CHST15: variants seen among roughly 807,000 people sequenced by gnomAD.
CHST15 encodes the protein carbohydrate sulfotransferase 15.
A neutral mutation model predicts 53.6 loss-of-function variants in CHST15; 30 were observed. The ratio of observed to expected loss-of-function variants is 0.56; its 90% CI spans 0.42 to 0.76. The LOEUF (loss-of-function observed/expected upper bound fraction) is 0.76. CHST15 is among the 30% of genes least tolerant of loss of function. The pLI, the probability that CHST15 is intolerant of heterozygous loss-of-function variation, is 0.00. For missense variants in CHST15, 627 were observed against 740.5 expected, an observed-to-expected ratio of 0.85 and a Z score of 1.78; for synonymous variants, 296 against 289.8, an observed-to-expected ratio of 1.02 and a Z score of -0.22.
rs151126731 is a variant in CHST15, at chr10:124,012,222, C to T, written c.1495+111G>A. On this transcript the variant is annotated intron_variant, in intron 7 of 7. Transcript: ENST00000435907. ...TGAAGGACATCCCCAGGCCTCCCAGCTCAGCCCATTCCCACCCAGCTGACC... is the reference window on the plus strand; with the variant it reads ...TGAAGGACATCCCCAGGCCTCCCAGTTCAGCCCATTCCCACCCAGCTGACC... 9.0e-4 allele frequency: 1,149 copies of T among 1,281,918 alleles called. 6 individuals carry two copies. The African/African-American group carries it at 0.015, about 17-fold the overall frequency. 79.4% of individuals were successfully genotyped at this position (1,281,918 alleles called of 1,614,324 possible). A position where few individuals can be genotyped will look rare whatever the true frequency, so the allele number is the denominator to read the frequency against.
At chr10:124,083,881 G>A (rs996768564) in intron 1 of CHST15, among the ~76,000 whole-genome samples, 1 of 152,154 alleles carries the variant, frequency 6.6e-6, no homozygotes, top group Non-Finnish European at 1.5e-5. Context: ...AGAGGATCAC[G>A]CCACCATGGG....
chr10:124,064,263 T>C (rs1948683585), intron 1 of CHST15, among the ~76,000 whole-genome samples: 1 of 152,116 alleles, frequency 6.6e-6, no homozygotes, highest in African/African-American at 2.4e-5. Flanking sequence ...CCTGCTCTGG[T>C]TTCTGTTTCG....
intron 6 of CHST15, chr10:124,020,746 C>G: frequency 9.7e-7 from 1 of 1,030,978 alleles, no homozygotes; most frequent in South Asian, 4.4e-5. Flanking sequence ...TTTTTGCATT[C>G]AAAAAGGCTA....
At chr10:124,027,062 T>C (rs1018273531) in intron 5 of CHST15, among the ~76,000 whole-genome samples, 2 of 152,122 alleles carry the variant, frequency 1.3e-5, no homozygotes. Context: ...TCTCAAACCA[T>C]CCCGAACAGA....
chr10:124,064,922 C>A (rs938650017), intron 1 of CHST15, among the ~76,000 whole-genome samples: 1 of 152,130 alleles, frequency 6.6e-6, no homozygotes, highest in Admixed American at 6.5e-5. Flanking sequence ...CCGCCTTAAC[C>A]AGCTGACAGT....
In CHST15 at chr10:124,046,005, C is replaced by T; in HGVS notation, c.208G>A (p.Gly70Arg). 1.2e-6 allele frequency: 2 copies of T among 1,614,114 alleles called. No individual in the cohort carries two copies. The highest frequency in any genetic ancestry group is 1.7e-6 in the Non-Finnish European group (2 of 1,180,022). Residue 70 changes from glycine to arginine, a missense_variant, in exon 2 of 8, where the codon GGG becomes AGG. Physicochemically the swap from Gly to Arg is moderately radical, Grantham distance 125 (BLOSUM62 -2). Around this residue, in one of 3 missense-constraint regions of CHST15, gnomAD observed 187 missense variants for 251.8 expected, o/e 0.74. Transcript: ENST00000435907. ...TTCCCCTTTTTGAAGCGCAAAAACC[C>T]ACCCCAGTTTTCGTTCCCTTCAGTC... ...VRTEGNENWG[G>R]FLRFKKGKRC...
chr10:124,051,190 C>T (rs61863975), intron 1 of CHST15, among the ~76,000 whole-genome samples: 40,088 of 152,024 alleles, frequency 0.26, 5,623 homozygotes, highest in Middle Eastern at 0.39. Flanking sequence ...TGATCCAGCC[C>T]GCCTTGGCCT....
At chr10:124,077,531 T>A (rs552981542) in intron 1 of CHST15, among the ~76,000 whole-genome samples, 36 of 152,256 alleles carry the variant, frequency 2.4e-4, no homozygotes, top group African/African-American at 7.7e-4. Context: ...AATGGGAAAA[T>A]CTTTACCTTA....
At chr10:124,082,602 A>G (rs1389060334) in intron 1 of CHST15, among the ~76,000 whole-genome samples, 1 of 152,232 alleles carries the variant, frequency 6.6e-6, no homozygotes, top group Non-Finnish European at 1.5e-5. Flanking sequence ...TCCACACCCA[A>G]AGAAGCTTGT....
At chr10:124,018,097 G>A (rs1946648870) in intron 6 of CHST15, among the ~76,000 whole-genome samples, 2 of 152,230 alleles carry the variant, frequency 1.3e-5, no homozygotes, top group South Asian at 4.1e-4. Context: ...CCTGAAAGGA[G>A]GCCCCTATCA....
intron 6 of CHST15, among the ~76,000 whole-genome samples, chr10:124,015,757 T>A (rs1946565948): frequency 6.6e-6 from 1 of 152,212 alleles, no homozygotes; most frequent in Non-Finnish European, 1.5e-5. Context: ...GAGGCTGCAA[T>A]CTCATGGAGA....
Position 124,009,362 on chromosome 10 carries a change from GT to G in CHST15, c.*786del. The G allele has an allele frequency of 2.0e-6, 2 of 1,018,126 alleles. No individual in the cohort carries two copies. Among genetic ancestry groups the G allele is most frequent in the Non-Finnish European group, 2.4e-6 (2 of 848,098 alleles). 63.1% of individuals were successfully genotyped at this position (1,018,126 alleles called of 1,614,324 possible). The stretch of plus-strand genomic sequence containing the variant: ...CAGGACTGGTTAAATGCAGAAAGTG[GT>G]TTTGTTTTAAACGCATTCATTTTCT... On this transcript the variant is annotated 3_prime_UTR_variant, in exon 8 of 8. Transcript: ENST00000435907.
intron 1 of CHST15, among the ~76,000 whole-genome samples, chr10:124,079,458 G>C (rs1042467211): frequency 3.9e-5 from 6 of 152,262 alleles, no homozygotes; most frequent in Non-Finnish European, 8.8e-5. Context: ...CGGACTCCAT[G>C]TGGTATGGAG....
chr10:124,037,820 A>G (rs909397126), intron 5 of CHST15, among the ~76,000 whole-genome samples: 1 of 152,192 alleles, frequency 6.6e-6, no homozygotes, highest in African/African-American at 2.4e-5. Flanking sequence ...GACAAGGATA[A>G]AGGCATCAAC....
chr10:124,026,438 C>T (rs1947013412), intron 5 of CHST15, among the ~76,000 whole-genome samples: 5 of 152,186 alleles, frequency 3.3e-5, no homozygotes, highest in Admixed American at 3.3e-4. Context: ...GAACAGCAAA[C>T]ATATCAAGAA....
rs1183015677 is a variant in CHST15, at chr10:124,007,899, A to G, written c.*2250T>C. 8.1e-7 allele frequency: 1 copy of G among 1,231,886 alleles called. No individual in the cohort carries two copies. The highest frequency in any genetic ancestry group is 1.0e-6 in the Non-Finnish European group (1 of 987,948). The allele number at this position is 1,231,886 out of a possible 1,614,324, so 76.3% of individuals were successfully genotyped here. On this transcript the variant is annotated 3_prime_UTR_variant, in exon 8 of 8. Coordinates refer to ENST00000435907, the MANE Select transcript of CHST15 (RefSeq NM_001270764.2). ...TTTGGTTTTGAATGGCAGGCTCGAG[A>G]ACCACCGCCCAGAACGGAACCTATT...
chr10:124,049,222 G>C (rs1011721792), intron 1 of CHST15, among the ~76,000 whole-genome samples: 3 of 152,232 alleles, frequency 2.0e-5, no homozygotes, highest in Non-Finnish European at 4.4e-5. Flanking sequence ...TGAGGGATGT[G>C]ATGTGGAAAT....
chr10:124,023,127 A>G (rs115084938), intron 5 of CHST15, among the ~76,000 whole-genome samples: 2,024 of 152,084 alleles, frequency 0.013, 34 homozygotes, highest in African/African-American at 0.043. Flanking sequence ...CTCTACTGAA[A>G]AACTGTCATG....
intron 1 of CHST15, among the ~76,000 whole-genome samples, chr10:124,056,345 A>G (rs1347130186): frequency 6.6e-6 from 1 of 152,052 alleles, no homozygotes; most frequent in Non-Finnish European, 1.5e-5. Context: ...AAACTCCCCT[A>G]CCTCCTTCAA....
Sources: allele counts gnomAD v4.1 joint callset (sites outside exome capture counted in the v4.1 genomes callset), GRCh38; gene constraint gnomAD v4.1.1; regional missense constraint gnomAD v4.1.1; transcripts MANE v1.5; gene names NCBI Gene and HGNC (gene_info 2026-07-23, HGNC 2026-07-21).